ZFR2: variants seen among roughly 807,000 people sequenced by gnomAD.
ZFR2 encodes zinc finger RNA-binding protein 2.
ZFR2 carries 104 observed loss-of-function variants against 105.7 expected under a neutral mutation model. The ratio of observed to expected loss-of-function variants is 0.98; its 90% CI spans 0.84 to 1.16. ZFR2 has a LOEUF of 1.16. Ranked by LOEUF, ZFR2 falls within the 50% of genes most tolerant of loss-of-function variation. The probability of loss-of-function intolerance (pLI) is 0.00; values close to 1 mark genes in which losing one functional copy is unlikely to be tolerated. For synonymous variants in ZFR2, 634 were observed against 597.7 expected, an observed-to-expected ratio of 1.06 and a Z score of -0.89; for missense variants, 1,425 against 1,355.5, an observed-to-expected ratio of 1.05 and a Z score of -0.80.
In ZFR2 at chr19:3,822,216, GC is replaced by G. The variant is rs1374566910; in HGVS notation, c.1372-17del. On this transcript the variant is annotated splice_polypyrimidine_tract_variant and intron_variant, in intron 8 of 18. Transcript: ENST00000262961. ...CGCTGAACACCTGAGACACAGAACA[GC>G]CGCACGCGCACCAGGCACGAGGCGG... 5.1e-6 allele frequency: 8 copies of G among 1,568,950 alleles called. No individual in the cohort carries two copies. Among genetic ancestry groups the G allele is most frequent in the Admixed American group, 1.9e-5 (1 of 53,516 alleles).
intron 1 of ZFR2, among the ~76,000 whole-genome samples, chr19:3,866,836 C>G (rs564421058): frequency 6.6e-6 from 1 of 152,074 alleles, no homozygotes; most frequent in Admixed American, 6.6e-5. Flanking sequence ...AAGAAAAGAT[C>G]AAATAAAAAT....
rs1341976309 is a variant in ZFR2 at position 3,823,934 on chromosome 19, G to A, written c.1214-531C>T. On this transcript the variant is annotated intron_variant, in intron 7 of 18. Coordinates refer to ENST00000262961, the MANE Select transcript of ZFR2 (RefSeq NM_015174.2). The surrounding 1 kb of genome is among the most constrained non-coding windows in gnomAD (Gnocchi z 5.4). ...GGCAGAGACTCTTAGACAGACCCGG[G>A]TTCCAATTCCACCTCCACCGTTTAC... Among the ~76,000 whole-genome samples the A allele has an allele frequency of 3.9e-5, 6 of 152,162 alleles. No homozygotes were observed. The highest frequency in any genetic ancestry group is 1.4e-4 in the African/African-American group (6 of 41,422).
chr19:3,857,629 G>C (rs908215935), intron 1 of ZFR2, among the ~76,000 whole-genome samples: 1 of 150,696 alleles, frequency 6.6e-6, no homozygotes, highest in African/African-American at 2.5e-5. Flanking sequence ...CCAGGAGGCG[G>C]AGGTTGCTGT....
At chr19:3,868,863 T>C in intron 1 of ZFR2, 102 bp downstream of exon 1, 1 of 1,005,936 alleles carries the variant, frequency 9.9e-7, no homozygotes, top group East Asian at 3.4e-5. Flanking sequence ...GGGCTGGGAC[T>C]GGGGCCGGGC....
chr19:3,863,258 C>T (rs1394826257), intron 1 of ZFR2, among the ~76,000 whole-genome samples: 1 of 152,160 alleles, frequency 6.6e-6, no homozygotes, highest in Non-Finnish European at 1.5e-5. Context: ...CTGTCACTGG[C>T]ACTGGGGCTG....
chr19:3,816,911 C>T, intron 12 of ZFR2, 66 bp from the exon 13 acceptor site: 1 of 1,437,882 alleles, frequency 7.0e-7, no homozygotes, highest in African/African-American at 1.4e-5. Flanking sequence ...AGCTGCCTCC[C>T]TCCTGAGCTA....
chr19:3,810,134 G>A (rs1364441888), intron 16 of ZFR2, among the ~76,000 whole-genome samples: 2 of 152,074 alleles, frequency 1.3e-5, no homozygotes, highest in African/African-American at 2.4e-5. Flanking sequence ...GATGGGGGAC[G>A]CCACTCCAGC....
chr19:3,809,586 G>A (rs959310927), intron 16 of ZFR2, among the ~76,000 whole-genome samples: 1 of 152,178 alleles, frequency 6.6e-6, no homozygotes, highest in Non-Finnish European at 1.5e-5. Flanking sequence ...CCGCACACCG[G>A]TCACCCAGCA....
chr19:3,831,817 T>A lies in ZFR2; in HGVS notation c.441A>T (p.Pro147=), dbSNP rs377376168. The change falls in exon 4 of 19, where the codon CCA becomes CCT. Residue 147 remains proline (P), a synonymous_variant. Coordinates refer to ENST00000262961, the MANE Select transcript of ZFR2 (RefSeq NM_015174.2). The stretch of plus-strand genomic sequence containing the variant: ...CGGACTCCACTATGGGCGCCTGCTG[T>A]GGGGGCTGAGCGTGGCTGTGACTGC... ...PHGSHSHAQP[P]QQAPIVESGQ... is the part of the protein sequence containing the mutation. The A allele has an allele frequency of 2.4e-5, 38 of 1,608,188 alleles. No individual in the cohort carries two copies. The African/African-American group carries it at 4.4e-4, about 19-fold the overall frequency.
At chr19:3,863,732 TG>T (rs2038398900) in intron 1 of ZFR2, among the ~76,000 whole-genome samples, 1 of 152,182 alleles carries the variant, frequency 6.6e-6, no homozygotes, top group Admixed American at 6.5e-5. Flanking sequence ...TAAGCTGACG[TG>T]GTCAGGGCTG....
chr19:3,847,224 A>T (rs2038193045), intron 1 of ZFR2, among the ~76,000 whole-genome samples: 1 of 152,168 alleles, frequency 6.6e-6, no homozygotes, highest in Admixed American at 6.6e-5. Context: ...CAGCTTCAGG[A>T]ATCATTTCAT....
chr19:3,830,224 G>GCATCCTCACTATGTC (rs1455042330), intron 5 of ZFR2, among the ~76,000 whole-genome samples: 1 of 151,880 alleles, frequency 6.6e-6, no homozygotes, highest in Non-Finnish European at 1.5e-5. Flanking sequence ...GGATCGCTTG[G>GCATCCTCACTATGTC]GCCCAGGAGT....
intron 13 of ZFR2, among the ~76,000 whole-genome samples, chr19:3,816,299 G>A (rs1316630219): frequency 6.6e-6 from 1 of 151,052 alleles, no homozygotes; most frequent in Non-Finnish European, 1.5e-5. Context: ...AGGCTGGAGG[G>A]CAGCAGTGCA....
intron 16 of ZFR2, 50 bp from the exon 17 acceptor site, chr19:3,809,033 C>G: frequency 7.0e-7 from 1 of 1,433,804 alleles, no homozygotes. Flanking sequence ...GCGGCAGCCC[C>G]TGCCTGCCCG....
chr19:3,825,285 G>C lies in ZFR2; in HGVS notation c.1158C>G (p.Ala386=), dbSNP rs1340510091. ...PTSPTGPSVC[A]SSRPALAKRP... The stretch of plus-strand genomic sequence containing the variant: ...TCTTGGCCAGCGCTGGCCTGCTCGA[G>C]GCACACACGCTGGGGCCAGTGGGGG... Residue 386 remains alanine (A), a synonymous_variant, in exon 7 of 19, where the codon GCC becomes GCG. Transcript: ENST00000262961. 2.5e-6 allele frequency: 4 copies of C among 1,577,102 alleles called. No homozygotes were observed. Among genetic ancestry groups the C allele is most frequent in the Admixed American group, 3.9e-5 (2 of 50,684 alleles).
rs376276874 is a variant in ZFR2, at chr19:3,826,464, C to A, written c.1035+1007G>T. ...TTTTTTTTTCTTTTGGCGACAGAGC[C>A]TTGCTCTGTCGCCCAGGCTGGAGTG... On this transcript the variant is annotated intron_variant, in intron 6 of 18. Coordinates refer to ENST00000262961, the MANE Select transcript of ZFR2 (RefSeq NM_015174.2). 2.7e-3 allele frequency among the ~76,000 whole-genome samples: 407 copies of A among 149,090 alleles called. 2 individuals carry two copies. The highest frequency in any genetic ancestry group is 4.2e-3 in the Non-Finnish European group (288 of 67,866).
chr19:3,816,945 C>G, intron 12 of ZFR2, 100 bp from the exon 13 acceptor site: 3 of 1,078,532 alleles, frequency 2.8e-6, no homozygotes, highest in Non-Finnish European at 4.0e-6. Context: ...AGTTACAGAG[C>G]CTCTCTGTGC....
chr19:3,829,388 T>TAC (rs1369536207), intron 5 of ZFR2, among the ~76,000 whole-genome samples: 1 of 152,116 alleles, frequency 6.6e-6, no homozygotes, highest in Non-Finnish European at 1.5e-5. Context: ...TCTGGAAGGA[T>TAC]ACACACCAAG....
intron 16 of ZFR2, among the ~76,000 whole-genome samples, chr19:3,810,413 C>T (rs1240830018): frequency 2.0e-5 from 3 of 152,240 alleles, no homozygotes; most frequent in Admixed American, 6.5e-5. Context: ...ACCCAGAGGC[C>T]GGTGTGCAGC....
Sources: allele counts gnomAD v4.1 joint callset (sites outside exome capture counted in the v4.1 genomes callset), GRCh38; gene constraint gnomAD v4.1.1; non-coding constraint Gnocchi (gnomAD v3.1); transcripts MANE v1.5; gene names NCBI Gene and HGNC (gene_info 2026-07-23, HGNC 2026-07-21).